ABLIM3: variants seen among roughly 807,000 people sequenced by gnomAD.
ABLIM3 encodes actin-binding LIM protein 3.
A neutral mutation model predicts 109.5 loss-of-function variants in ABLIM3; 61 were observed. The observed-to-expected ratio is 0.56, with a 90% CI of 0.45 to 0.69. The LOEUF (loss-of-function observed/expected upper bound fraction) is 0.69. Among genes scored for constraint, ABLIM3 ranks in the 30% least tolerant of loss-of-function variants. The pLI is 0.00. For synonymous variants in ABLIM3, 300 were observed against 324.8 expected (o/e 0.92, Z 0.82); for missense variants, 796 against 889.5 (o/e 0.89, Z 1.34).
chr5:149,254,953 C>T (rs975848429), intron 23 of ABLIM3, among the ~76,000 whole-genome samples: 5 of 152,212 alleles, frequency 3.3e-5, no homozygotes, highest in Non-Finnish European at 5.9e-5. Context: ...GGCCCATGGG[C>T]TAAAGACACT....
rs552287609 is a variant in ABLIM3, at chr5:149,227,152, A to C, written c.758-3497A>C. On this transcript the variant is annotated intron_variant, in intron 8 of 23. Transcript: ENST00000309868. ...AGGTGGGTGGCTTCCCCAACATTAA[A>C]TCAGCCCCAAATGTTACAGGTGTGG... 9.3e-4 allele frequency among the ~76,000 whole-genome samples: 142 copies of C among 152,114 alleles called. 1 individual carries two copies. The highest frequency in any genetic ancestry group is 3.4e-3 in the African/African-American group (141 of 41,506).
At chr5:149,204,148 C>G (rs1185339283) in intron 5 of ABLIM3, among the ~76,000 whole-genome samples, 1 of 152,158 alleles carries the variant, frequency 6.6e-6, no homozygotes, top group Non-Finnish European at 1.5e-5. Context: ...ATGACACAGT[C>G]TAAAAAGGAT....
chr5:149,195,900 C>T (rs1757922937), intron 3 of ABLIM3, among the ~76,000 whole-genome samples: 1 of 152,230 alleles, frequency 6.6e-6, no homozygotes, highest in African/African-American at 2.4e-5. Context: ...ACAAGCAATG[C>T]TCCACACTGA....
intron 20 of ABLIM3, among the ~76,000 whole-genome samples, chr5:149,250,992 C>T (rs147246767): frequency 8.5e-5 from 13 of 152,126 alleles, no homozygotes; most frequent in African/African-American, 3.1e-4. Context: ...GCTCCCTGAG[C>T]GTGCTGTTAT....
At chr5:149,213,197 G>A (rs973350122) in intron 7 of ABLIM3, among the ~76,000 whole-genome samples, 5 of 152,182 alleles carry the variant, frequency 3.3e-5, no homozygotes, top group African/African-American at 4.8e-5. Flanking sequence ...TCTTAAAAAC[G>A]TGAGGCTTTG....
At chr5:149,185,588 G>T in intron 3 of ABLIM3, among the ~76,000 whole-genome samples, 1 of 152,114 alleles carries the variant, frequency 6.6e-6, no homozygotes, top group Admixed American at 6.5e-5. Context: ...CACGGAGTTT[G>T]TAGAATCTCT....
At chr5:149,167,038 A>G (rs1754899837) in intron 2 of ABLIM3, among the ~76,000 whole-genome samples, 1 of 152,194 alleles carries the variant, frequency 6.6e-6, no homozygotes, top group Admixed American at 6.5e-5. Context: ...GCTGAGATGG[A>G]GCATTTACAA....
intron 6 of ABLIM3, among the ~76,000 whole-genome samples, 196 bp from the exon 7 acceptor site, chr5:149,210,530 C>T (rs1189260882): frequency 6.6e-6 from 1 of 152,100 alleles, no homozygotes; most frequent in African/African-American, 2.4e-5. Context: ...GGAGGTGGTC[C>T]CAGGAGGCTT....
chr5:149,200,400 T>C lies in ABLIM3; in HGVS notation c.420T>C (p.Ser140=). The change falls in exon 5 of 24, where the codon AGT becomes AGC. Residue 140 remains serine, a synonymous_variant. Coordinates refer to ENST00000309868, the MANE Select transcript of ABLIM3 (RefSeq NM_014945.5). ...CQTCSQSMAS[S]KPIKIRGPSH... ...CGTGCTCCCAGTCCATGGCCAGCAG[T>C]AAGCCCATCAAGATTCGTGGACCAA... 6.2e-7 allele frequency: 1 copy of C among 1,614,216 alleles called. No individual in the cohort carries two copies. Among genetic ancestry groups the C allele is most frequent in the Non-Finnish European group, 8.5e-7 (1 of 1,180,042 alleles).
Position 149,198,148 on chromosome 5 carries a change from C to G in ABLIM3, c.152-71C>G. On this transcript the variant is annotated intron_variant, in intron 3 of 23. Transcript: ENST00000309868. This position sits in a 1 kb window ranked among gnomAD's most constrained non-coding sequence, Gnocchi z 4.2. ...CACAGTGAGACACCAGCCTTTCCCCCAGCGAGGACCTTCTGCTTACAGACC... is the reference window on the plus strand; with the variant it reads ...CACAGTGAGACACCAGCCTTTCCCCGAGCGAGGACCTTCTGCTTACAGACC... 6.8e-7 allele frequency: 1 copy of G among 1,462,784 alleles called. No homozygotes were observed. Among genetic ancestry groups the G allele is most frequent in the Non-Finnish European group, 9.3e-7 (1 of 1,077,594 alleles). 90.6% of individuals were successfully genotyped at this position (1,462,784 alleles called of 1,614,324 possible).
intron 8 of ABLIM3, chr5:149,219,682 G>A (rs1760449289): frequency 6.6e-6 from 1 of 152,228 alleles, no homozygotes; most frequent in African/African-American, 2.4e-5. Context: ...GGGTTCTTGA[G>A]TGATTCCTGC....
chr5:149,227,115 G>GGT (rs1348615617), intron 8 of ABLIM3, among the ~76,000 whole-genome samples: 3 of 151,048 alleles, frequency 2.0e-5, no homozygotes, highest in Non-Finnish European at 2.9e-5. Context: ...TTAACATCAG[G>GGT]GTGTAGCAGA....
At chr5:149,252,253 GC>G in intron 22 of ABLIM3, 45 bp downstream of exon 22, 2 of 1,606,302 alleles carry the variant, frequency 1.2e-6, no homozygotes. Flanking sequence ...GATTCTTGGA[GC>G]CGCTACACTG....
intron 15 of ABLIM3, among the ~76,000 whole-genome samples, chr5:149,242,770 C>A (rs1224372346): frequency 6.6e-6 from 1 of 152,206 alleles, no homozygotes; most frequent in African/African-American, 2.4e-5. Flanking sequence ...TTTGCAATCT[C>A]CCCCTTACCT....
In ABLIM3 at chr5:149,242,422, TCCTTTTCTC is replaced by T. The variant is rs1752944762; in HGVS notation, c.1304-58_1304-50del. 6.6e-5 allele frequency: 99 copies of T among 1,509,874 alleles called. 1 individual carries two copies. In the South Asian group the frequency reaches 1.0e-3, roughly 15 times the overall value. The allele number at this position is 1,509,874 out of a possible 1,614,324, so 93.5% of individuals were successfully genotyped here. ...TGAGATCAACTGACCAAGTACTATC[TCCTTTTCTC>T]CCTTTTCTCCTGTCTCTCTCTCTCC... On this transcript the variant is annotated intron_variant, in intron 14 of 23. Transcript: ENST00000309868.
intron 8 of ABLIM3, among the ~76,000 whole-genome samples, chr5:149,225,976 G>GTA (rs1761185076): frequency 4.7e-4 from 18 of 38,518 alleles, no homozygotes; most frequent in Non-Finnish European, 8.7e-4. Flanking sequence ...GTGTGTGTGT[G>GTA]TGTGTGTATA....
intron 2 of ABLIM3, among the ~76,000 whole-genome samples, chr5:149,153,621 G>T (rs979156467): frequency 6.6e-6 from 1 of 152,196 alleles, no homozygotes. Flanking sequence ...TGATCAGCCC[G>T]TATATTCCCA....
At chr5:149,237,164 A>G (rs1209952867) in intron 10 of ABLIM3, among the ~76,000 whole-genome samples, 1 of 152,232 alleles carries the variant, frequency 6.6e-6, no homozygotes, top group East Asian at 1.9e-4. Context: ...AATGATATTG[A>G]CATTTACTTC....
At chr5:149,190,577 G>A (rs978688377) in intron 3 of ABLIM3, among the ~76,000 whole-genome samples, 2 of 152,150 alleles carry the variant, frequency 1.3e-5, no homozygotes, top group African/African-American at 4.8e-5. Context: ...CTACTTGGGA[G>A]GCTGAGGTGA....
Sources: allele counts gnomAD v4.1 joint callset (sites outside exome capture counted in the v4.1 genomes callset), GRCh38; gene constraint gnomAD v4.1.1; non-coding constraint Gnocchi (gnomAD v3.1); transcripts MANE v1.5; gene names NCBI Gene and HGNC (gene_info 2026-07-23, HGNC 2026-07-21).